The following STXBP5L variants were observed in gnomAD, a reference collection of about 807,000 sequenced individuals.
STXBP5L encodes syntaxin binding protein 5L.
STXBP5L carries 65 observed loss-of-function variants against 144.5 expected under a neutral mutation model. The ratio of observed to expected loss-of-function variants is 0.45; its 90% CI spans 0.37 to 0.55. The LOEUF is 0.55. STXBP5L is among the 20% of genes least tolerant of loss of function. The pLI is 0.00. For missense variants in STXBP5L, 1,298 were observed against 1,405.5 expected (o/e 0.92, Z 1.22); for synonymous variants, 505 against 469.6 (o/e 1.08, Z -0.97).
rs141128642 is a variant in STXBP5L at position 120,984,157 on chromosome 3, A to C, written c.287+29120A>C. 3.5e-3 allele frequency among the ~76,000 whole-genome samples: 532 copies of C among 152,294 alleles called. 3 individuals are homozygous for C. Among genetic ancestry groups the C allele is most frequent in the Non-Finnish European group, 5.5e-3 (375 of 68,020 alleles). ...TCTCTTAGACTCATGAAGAGGTTAA[A>C]GATTCACCTCCAGTTCTCCTCTTTC... On this transcript the variant is annotated intron_variant, in intron 3 of 26. Coordinates refer to ENST00000471454, the MANE Select transcript of STXBP5L (RefSeq NM_001308330.2).
intron 5 of STXBP5L, among the ~76,000 whole-genome samples, chr3:121,072,857 TTAA>T (rs1236530223): frequency 2.0e-5 from 3 of 152,188 alleles, no homozygotes; most frequent in Admixed American, 1.3e-4. Flanking sequence ...CCTTCAGTAG[TTAA>T]TAATCCTCTT....
chr3:121,240,910 C>G (rs2049643962), intron 14 of STXBP5L, among the ~76,000 whole-genome samples: 1 of 152,096 alleles, frequency 6.6e-6, no homozygotes, highest in Admixed American at 6.6e-5. Flanking sequence ...AAATAACACT[C>G]CTTTGTATGA....
intron 22 of STXBP5L, among the ~76,000 whole-genome samples, chr3:121,395,850 G>T (rs915579648): frequency 2.6e-5 from 4 of 152,156 alleles, no homozygotes; most frequent in African/African-American, 9.7e-5. Context: ...TGTTCGACAG[G>T]TGTTGCTTGT....
intron 8 of STXBP5L, among the ~76,000 whole-genome samples, chr3:121,156,953 G>T (rs557161022): frequency 1.6e-3 from 248 of 152,104 alleles, no homozygotes; most frequent in Non-Finnish European, 2.8e-3. Context: ...ATCCCCAGTG[G>T]ATACCGAGGG....
chr3:120,975,567 C>T (rs1390168089), intron 3 of STXBP5L, among the ~76,000 whole-genome samples: 7 of 152,100 alleles, frequency 4.6e-5, no homozygotes, highest in African/African-American at 7.2e-5. Flanking sequence ...CTGGCCAGAA[C>T]TTCCAACGCT....
chr3:121,313,244 G>C (rs1314158889), intron 19 of STXBP5L, among the ~76,000 whole-genome samples: 6 of 146,336 alleles, frequency 4.1e-5, no homozygotes, highest in Non-Finnish European at 9.1e-5. Context: ...CTCCCGGACG[G>C]GGCGGCTGGC....
intron 10 of STXBP5L, among the ~76,000 whole-genome samples, chr3:121,207,709 A>G (rs1436142944): frequency 1.3e-5 from 2 of 152,184 alleles, no homozygotes; most frequent in Admixed American, 1.3e-4. Flanking sequence ...AGACATTTAT[A>G]CAGCCAACAG....
intron 6 of STXBP5L, among the ~76,000 whole-genome samples, chr3:121,120,214 G>A (rs577717507): frequency 6.6e-6 from 1 of 151,284 alleles, no homozygotes; most frequent in East Asian, 1.9e-4. Flanking sequence ...ACCAAGAGAC[G>A]GAGAGGCTAT....
chr3:121,246,133 T>C (rs1444116859), intron 14 of STXBP5L, among the ~76,000 whole-genome samples: 2 of 152,280 alleles, frequency 1.3e-5, no homozygotes, highest in East Asian at 3.9e-4. Flanking sequence ...CAAGTGAGCA[T>C]TACCACCTGA....
At chr3:120,913,714 A>G (rs531076471) in intron 2 of STXBP5L, among the ~76,000 whole-genome samples, 2 of 152,106 alleles carry the variant, frequency 1.3e-5, no homozygotes, top group African/African-American at 4.8e-5. Flanking sequence ...GCAGAGTAAG[A>G]AATTACATGC....
At chr3:121,178,841 GC>G (rs1328238600) in intron 9 of STXBP5L, among the ~76,000 whole-genome samples, 18 of 152,170 alleles carry the variant, frequency 1.2e-4, no homozygotes, top group Admixed American at 3.3e-4. Flanking sequence ...AAGGCAGCCA[GC>G]AGAATTAGGG....
chr3:121,023,205 G>C (rs868624540), intron 3 of STXBP5L, among the ~76,000 whole-genome samples: 1 of 152,072 alleles, frequency 6.6e-6, no homozygotes, highest in South Asian at 2.1e-4. Flanking sequence ...TTAAAGGCCT[G>C]TACAAGGAAA....
At position 121,378,881 on chromosome 3, in the gene STXBP5L, C is replaced by T; in HGVS notation, c.2342C>T (p.Thr781Ile). Residue 781 changes from threonine (T) to isoleucine (I), a missense_variant, in exon 21 of 27, where the codon ACA (threonine) becomes ATA (isoleucine). Thr to Ile is a moderately conservative substitution (Grantham distance 89). Coordinates refer to ENST00000471454, the MANE Select transcript of STXBP5L (RefSeq NM_001308330.2). ...ATGGAGATTTCTTTACCAGTTACAACAGAAGGTATGTTAAACATATTAAAT... is the reference window on the plus strand; with the variant it reads ...ATGGAGATTTCTTTACCAGTTACAATAGAAGGTATGTTAAACATATTAAAT... ...ACMEISLPVT[T>I]EENRENSYNR... The T allele has an allele frequency of 6.2e-7, 1 of 1,612,592 alleles. No individual in the cohort carries two copies. The highest frequency in any genetic ancestry group is 8.5e-7 in the Non-Finnish European group (1 of 1,179,278).
At chr3:121,076,649 A>G (rs538930895) in intron 5 of STXBP5L, among the ~76,000 whole-genome samples, 2 of 151,964 alleles carry the variant, frequency 1.3e-5, no homozygotes, top group South Asian at 2.1e-4. Flanking sequence ...CTCCCTGTCT[A>G]TTTTCCCCTT....
intron 3 of STXBP5L, among the ~76,000 whole-genome samples, chr3:120,973,613 T>C (rs1293840238): frequency 6.6e-5 from 10 of 152,106 alleles, no homozygotes; most frequent in Admixed American, 3.9e-4. Flanking sequence ...TACATATGTA[T>C]ACTTGTGCCA....
intron 9 of STXBP5L, among the ~76,000 whole-genome samples, chr3:121,178,754 G>A (rs1307536510): frequency 6.6e-6 from 1 of 152,064 alleles, no homozygotes; most frequent in East Asian, 1.9e-4. Flanking sequence ...ATTGAGAAGA[G>A]CCATATAGGC....
chr3:121,093,143 G>A (rs2042910827), intron 5 of STXBP5L, among the ~76,000 whole-genome samples: 1 of 152,194 alleles, frequency 6.6e-6, no homozygotes, highest in African/African-American at 2.4e-5. Context: ...TGGTGGAGAA[G>A]CTTTTTAATG....
chr3:121,181,037 T>C (rs142787126), intron 9 of STXBP5L, among the ~76,000 whole-genome samples: 1 of 151,594 alleles, frequency 6.6e-6, no homozygotes, highest in East Asian at 1.9e-4. Flanking sequence ...TAACATTGAA[T>C]GTAAATGGCC....
At chr3:121,207,031 T>A (rs2048362788) in intron 10 of STXBP5L, among the ~76,000 whole-genome samples, 1 of 152,188 alleles carries the variant, frequency 6.6e-6, no homozygotes, top group African/African-American at 2.4e-5. Flanking sequence ...TGTTTGTTTA[T>A]AACTGCTCTT....
Sources: gnomAD v4.1 joint callset for allele counts (sites outside exome capture counted in the v4.1 genomes callset) on GRCh38, gnomAD v4.1.1 for gene constraint, MANE v1.5 for transcripts, NCBI Gene and HGNC (gene_info 2026-07-23, HGNC 2026-07-21) for gene names.